Variants in RNF212 observed in about 807,000 individuals in gnomAD.
RNF212 encodes the protein probable E3 SUMO-protein ligase RNF212.
Under a neutral mutation model 34.7 loss-of-function variants are expected in RNF212, and 33 were observed. That is an observed-to-expected ratio of 0.95 (90% CI 0.72 to 1.27). The LOEUF (loss-of-function observed/expected upper bound fraction) is 1.27. RNF212 is among the 50% of genes most tolerant of loss of function. The pLI is 0.00. For missense variants in RNF212, 377 were observed against 362.2 expected (o/e 1.04, Z -0.33); for synonymous variants, 140 against 136.1 (o/e 1.03, Z -0.20).
At chr4:1,093,529 C>A (rs1560138270) in intron 3 of RNF212, 2 of 1,383,924 alleles carry the variant, frequency 1.4e-6, no homozygotes, top group Non-Finnish European at 1.9e-6. Flanking sequence ...GGTCACTGGG[C>A]AGAGCCTGTG....
chr4:1,072,863 A>G lies in RNF212; in HGVS notation c.*11T>C, dbSNP rs1718656667. 1.3e-6 allele frequency: 2 copies of G among 1,574,820 alleles called. No homozygotes were observed. The highest frequency in any genetic ancestry group is 2.3e-5 in the East Asian group (1 of 43,156). On this transcript the variant is annotated 3_prime_UTR_variant, in exon 10 of 10. Coordinates refer to ENST00000433731, the MANE Select transcript of RNF212 (RefSeq NM_001131034.4). ...AACACTCAGAATCATTAATAGTCAC[A>G]TAAATGCAAATCAAAATGACTTTTT... is the stretch of plus-strand genomic sequence containing the variant.
intron 8 of RNF212, among the ~76,000 whole-genome samples, chr4:1,077,648 C>T (rs1324200403): frequency 6.6e-6 from 1 of 152,212 alleles, no homozygotes; most frequent in South Asian, 2.1e-4. Flanking sequence ...GACTTGGAGG[C>T]TGTGAGTTCA....
At chr4:1,057,360 C>T (rs1016408924) in intron 4 of RNF212, among the ~76,000 whole-genome samples, 4 of 152,150 alleles carry the variant, frequency 2.6e-5, no homozygotes, top group Non-Finnish European at 5.9e-5. Flanking sequence ...GCGAGACCAC[C>T]GGACCTTTGA....
intron 4 of RNF212, among the ~76,000 whole-genome samples, chr4:1,087,955 A>G (rs1721604218): frequency 6.6e-6 from 1 of 152,144 alleles, no homozygotes; most frequent in Non-Finnish European, 1.5e-5. Context: ...TTTCCTTTAT[A>G]AATCACCCAG....
In RNF212 at chr4:1,088,884, C is replaced by T. The variant is rs371457607; in HGVS notation, c.303+1898G>A. Among the ~76,000 whole-genome samples the T allele has an allele frequency of 2.0e-4, 31 of 152,338 alleles. No homozygotes were observed. The East Asian group carries it at 3.9e-3, about 19-fold the overall frequency. On this transcript the variant is annotated intron_variant, in intron 4 of 9. Transcript: ENST00000433731. ...ATTGGGCCTGCATGTGTGCAGAGGA[C>T]AAGAGCTGAGATTTGGGAACCTCCA...
In RNF212 at chr4:1,081,413, A is replaced by G; in HGVS notation, c.464+6T>C. The G allele has an allele frequency of 6.2e-7, 1 of 1,613,486 alleles. No individual in the cohort carries two copies. Among genetic ancestry groups the G allele is most frequent in the South Asian group, 1.1e-5 (1 of 91,064 alleles). ...GTCCTGTGATTTCTGCAAGCAACCC[A>G]CACACCTGTCGGGGGCTGATGAGTG... On this transcript the variant is annotated splice_donor_region_variant and intron_variant, in intron 7 of 9. Transcript: ENST00000433731.
intron 8 of RNF212, among the ~76,000 whole-genome samples, chr4:1,079,209 A>AG (rs1719909207): frequency 1.3e-5 from 2 of 151,058 alleles, no homozygotes; most frequent in East Asian, 2.0e-4. Context: ...GGACCAACAT[A>AG]GAGTCAACAC....
At chr4:1,105,363 C>T (rs1008443409) in intron 2 of RNF212, among the ~76,000 whole-genome samples, 2 of 152,262 alleles carry the variant, frequency 1.3e-5, no homozygotes, top group African/African-American at 2.4e-5. Context: ...GTCTGCTCTG[C>T]TCCCTGGCCA....
Position 1,071,614 on chromosome 4 carries a change from G to T in RNF212, c.*1260C>A, listed in dbSNP as rs1718501522. The T allele has an allele frequency of 6.6e-6, 1 of 152,142 alleles. No homozygotes were observed. Among genetic ancestry groups the T allele is most frequent in the African/African-American group, 2.4e-5 (1 of 41,430 alleles). 9.4% of individuals were successfully genotyped at this position (152,142 alleles called of 1,614,324 possible). ...AGAAAACAATCCAATTAAAAAATGG[G>T]CCAAATACCTTAACAGACACTTCAG... On this transcript the variant is annotated 3_prime_UTR_variant, in exon 10 of 10. Transcript: ENST00000433731.
Position 1,108,349 on chromosome 4 carries a change from T to C in RNF212, c.165A>G (p.Ser55=), listed in dbSNP as rs1248259645. 2 of 1,510,804 alleles carry C rather than the reference T, an allele frequency of 1.3e-6. No individual in the cohort carries two copies. The highest frequency in any genetic ancestry group is 2.7e-5 in the South Asian group (2 of 72,976). 93.6% of individuals were successfully genotyped at this position (1,510,804 alleles called of 1,614,324 possible). ...ACGACACATTTCAACTTACATGCTT[T>C]GAAAGCAAAACTGTACGACAAGGAG... ...CKAPCRTVLL[S]KHTDADIQAF... Residue 55 remains serine, a synonymous_variant, in exon 2 of 10, where the codon TCA becomes TCG. Transcript: ENST00000433731.
chr4:1,106,531 C>T lies in RNF212; in HGVS notation c.171+1812G>A, dbSNP rs542715413. ...AATTCCTGAGTTAAAAAAATAAAGA[C>T]ATATTAGAGATTATTTAGAAATCAG... is the stretch of plus-strand genomic sequence containing the variant. On this transcript the variant is annotated intron_variant, in intron 2 of 9. Coordinates refer to ENST00000433731, the MANE Select transcript of RNF212 (RefSeq NM_001131034.4). Among the ~76,000 whole-genome samples, 139 of 152,202 alleles carry T rather than the reference C, an allele frequency of 9.1e-4. 1 individual carries two copies. The highest frequency in any genetic ancestry group is 2.9e-3 in the Admixed American group (44 of 15,304).
At position 1,108,385 on chromosome 4, in the gene RNF212, C is replaced by A. The variant is rs139291604; in HGVS notation, c.129G>T (p.Leu43Phe). ...CLGKGKKNEC[L>F]ICKAPCRTVL... ...CTGTACGACAAGGAGCTTTACAAAT[C>A]AAGCATTCATTCTTTTTACCTATAA... is the stretch of plus-strand genomic sequence containing the variant. The change falls in exon 2 of 10, where the codon TTG (leucine) becomes TTT (phenylalanine). Residue 43 changes from leucine to phenylalanine, a missense_variant. Leu to Phe is a conservative substitution (Grantham distance 22). Coordinates refer to ENST00000433731, the MANE Select transcript of RNF212 (RefSeq NM_001131034.4). 1.0e-4 allele frequency: 154 copies of A among 1,502,996 alleles called. No homozygotes were observed. In the African/African-American group the frequency reaches 2.1e-3, roughly 21 times the overall value. 93.1% of individuals were successfully genotyped at this position (1,502,996 alleles called of 1,614,324 possible).
chr4:1,060,215 C>G (rs560323377), intron 3 of RNF212, among the ~76,000 whole-genome samples: 1 of 152,266 alleles, frequency 6.6e-6, no homozygotes, highest in South Asian at 2.1e-4. Context: ...AACAATTCAC[C>G]CAGGGTCTGG....
chr4:1,105,520 G>A (rs575239623), intron 2 of RNF212, among the ~76,000 whole-genome samples: 69 of 152,392 alleles, frequency 4.5e-4, no homozygotes, highest in African/African-American at 1.5e-3. Flanking sequence ...GGAACACAGC[G>A]TCAGAGGGTC....
intron 3 of RNF212, among the ~76,000 whole-genome samples, chr4:1,063,985 T>G (rs11731289): frequency 0.81 from 123,280 of 151,932 alleles, 50,717 homozygotes; most frequent in African/African-American, 0.94. Context: ...TTCAGTGAAA[T>G]TATCCTTCAA....
chr4:1,069,029 G>A (rs778615956), downstream of RNF212, among the ~76,000 whole-genome samples: 3 of 152,106 alleles, frequency 2.0e-5, no homozygotes, highest in Admixed American at 6.5e-5. Context: ...GCAACATGGC[G>A]AAACTCCATC....
intron 1 of RNF212, among the ~76,000 whole-genome samples, chr4:1,110,096 AAATCGAAAAGTTCTTACAAGGGAGGAGG>A (rs1725423163): frequency 6.6e-6 from 1 of 152,230 alleles, no homozygotes; most frequent in Admixed American, 6.5e-5. Context: ...CGACTCATAA[AAATCGAAAAGTTCTTACAAGGGAGGAGG>A]ATTAACAGAC....
At chr4:1,111,360 G>A (rs1316683067) in intron 1 of RNF212, among the ~76,000 whole-genome samples, 2 of 152,108 alleles carry the variant, frequency 1.3e-5, no homozygotes, top group African/African-American at 4.8e-5. Flanking sequence ...TTGAGTTCCA[G>A]ACCCACATGT....
chr4:1,103,973 T>C (rs555032316), intron 2 of RNF212, among the ~76,000 whole-genome samples: 1 of 151,852 alleles, frequency 6.6e-6, no homozygotes, highest in Non-Finnish European at 1.5e-5. Context: ...ATGTAAATGT[T>C]CTAGCAGAAT....
Sources: allele counts gnomAD v4.1 joint callset (sites outside exome capture counted in the v4.1 genomes callset), GRCh38; gene constraint gnomAD v4.1.1; transcripts MANE v1.5; gene names NCBI Gene and HGNC (gene_info 2026-07-23, HGNC 2026-07-21).